Variants in NIN observed in about 807,000 individuals in gnomAD.
NIN encodes glycogen synthase kinase 3 beta-interacting protein.
In NIN, 137 loss-of-function variants were observed where a neutral mutation model predicts 257.6. That is an observed-to-expected ratio of 0.53 (90% CI 0.46 to 0.61). The LOEUF (loss-of-function observed/expected upper bound fraction) is 0.61, where lower values mean the gene tolerates loss of function less well. NIN is among the 20% of genes least tolerant of loss of function. NIN has a pLI of 0.00. For synonymous variants in NIN, 918 were observed against 919.8 expected (o/e 1.00, Z 0.04); for missense variants, 2,439 against 2,501.2 (o/e 0.98, Z 0.53).
intron 28 of NIN, chr14:50,731,086 C>A: frequency 2.5e-6 from 1 of 400,492 alleles, no homozygotes; most frequent in Admixed American, 3.5e-5. Flanking sequence ...CTAATTAGGT[C>A]TATTATATAC....
intron 10 of NIN, 145 bp from the exon 11 acceptor site, chr14:50,771,137 TC>T (rs770686988): frequency 8.5e-7 from 1 of 1,182,620 alleles, no homozygotes; most frequent in Non-Finnish European, 1.2e-6. Flanking sequence ...ACTCCACCCT[TC>T]CCTTCAAAAG....
At chr14:50,731,017 G>T in intron 28 of NIN, 1 of 1,139,326 alleles carries the variant, frequency 8.8e-7, no homozygotes, top group Non-Finnish European at 1.2e-6. Context: ...AAGACAAAAA[G>T]AAGAGAAAAT....
chr14:50,754,577 T>G lies in NIN; in HGVS notation c.4720A>C (p.Asn1574His). 6.2e-7 allele frequency: 1 copy of G among 1,607,462 alleles called. No homozygotes were observed. Among genetic ancestry groups the G allele is most frequent in the East Asian group, 2.2e-5 (1 of 44,706 alleles). The change falls in exon 20 of 31, where the codon AAT (asparagine) becomes CAT (histidine). Residue 1574 changes from asparagine to histidine, a missense_variant. This residue lies in a region of NIN where 2,043 missense variants were observed against 2,050.2 expected (regional missense o/e 1.00). Coordinates refer to ENST00000530997, the MANE Select transcript of NIN (RefSeq NM_020921.4). ...ENAAVQKMVE[N>H]LKKQISELKI... The stretch of plus-strand genomic sequence containing the variant: ...TATTTCCTTACCTGTTTCTTTAAAT[T>G]TTCAACCATCTTCTGAACTGCAGCA...
intron 22 of NIN, 38 bp downstream of exon 22, chr14:50,747,954 T>G: frequency 7.4e-7 from 1 of 1,358,538 alleles, no homozygotes; most frequent in Non-Finnish European, 1.1e-6. Flanking sequence ...CAGGTACATA[T>G]TGTTCTGTGA....
intron 16 of NIN, among the ~76,000 whole-genome samples, chr14:50,760,931 A>C (rs373868361): frequency 2.0e-5 from 3 of 152,212 alleles, no homozygotes; most frequent in East Asian, 3.9e-4. Flanking sequence ...GACCTCCCAA[A>C]ATGTTGAGAT....
At chr14:50,819,204 GATACTA>G (rs1292594110) in intron 3 of NIN, among the ~76,000 whole-genome samples, 2 of 152,164 alleles carry the variant, frequency 1.3e-5, no homozygotes, top group African/African-American at 4.8e-5. Flanking sequence ...GAAGTTGATG[GATACTA>G]ATGCAGCCAA....
chr14:50,753,891 T>TC (rs1281490143), intron 20 of NIN, among the ~76,000 whole-genome samples: 1 of 152,230 alleles, frequency 6.6e-6, no homozygotes, highest in Non-Finnish European at 1.5e-5. Flanking sequence ...CTTTTTTTTT[T>TC]CTGTGACTTG....
At position 50,758,277 on chromosome 14, in the gene NIN, TCTTGGAGTAG is replaced by T; in HGVS notation, c.2743_2752del (p.Leu915ThrfsTer5). On this transcript the variant is annotated frameshift_variant, in exon 18 of 31. Coordinates refer to ENST00000530997, the MANE Select transcript of NIN (RefSeq NM_020921.4). LOFTEE classifies it high-confidence loss of function. ...AGATACATTTCTTAGGTCTTCCAGGTCTTGGAGTAGCTGCTGTCTCTCGACGACCATGCTG... is the reference window on the plus strand; with the variant it reads ...AGATACATTTCTTAGGTCTTCCAGGTCTGCTGTCTCTCGACGACCATGCTG... 4 of 1,614,220 alleles carry T rather than the reference TCTTGGAGTAG, an allele frequency of 2.5e-6. No homozygotes were observed. The highest frequency in any genetic ancestry group is 3.4e-6 in the Non-Finnish European group (4 of 1,180,036).
intron 3 of NIN, among the ~76,000 whole-genome samples, chr14:50,811,855 G>A (rs1301193142): frequency 2.6e-5 from 4 of 152,124 alleles, no homozygotes; most frequent in South Asian, 2.1e-4. Context: ...TTAGCCAGGC[G>A]TGGTGGCGGG....
At chr14:50,773,196 G>C (rs1051870880) in intron 7 of NIN, 101 bp from the exon 8 acceptor site, 5 of 809,308 alleles carry the variant, frequency 6.2e-6, no homozygotes, top group African/African-American at 5.3e-5. Flanking sequence ...TTGGTCCCAG[G>C]ACTCCAGAAA....
At chr14:50,797,199 G>T (rs999059742) in intron 4 of NIN, among the ~76,000 whole-genome samples, 3 of 152,196 alleles carry the variant, frequency 2.0e-5, no homozygotes, top group Non-Finnish European at 4.4e-5. Context: ...TACCTATTGA[G>T]GAAGAAGATG....
intron 4 of NIN, among the ~76,000 whole-genome samples, chr14:50,802,803 A>T (rs530744809): frequency 1.3e-5 from 2 of 152,378 alleles, no homozygotes; most frequent in East Asian, 3.9e-4. Flanking sequence ...GGACAGAACC[A>T]GCATTTCCTA....
chr14:50,794,383 G>T (rs1250445581), intron 4 of NIN: 2 of 391,978 alleles, frequency 5.1e-6, no homozygotes, highest in African/African-American at 2.2e-5. Context: ...CTTACAGGAA[G>T]TGTTTAAGCA....
At chr14:50,729,103 TTCA>T (rs1208077667) in intron 29 of NIN, among the ~76,000 whole-genome samples, 3 of 152,208 alleles carry the variant, frequency 2.0e-5, no homozygotes, top group Admixed American at 6.5e-5. Context: ...ATCCTGATAC[TTCA>T]TCGTTTATTA....
chr14:50,790,923 A>G (rs2043562982), intron 5 of NIN, among the ~76,000 whole-genome samples: 1 of 152,266 alleles, frequency 6.6e-6, no homozygotes. Flanking sequence ...TGCCAGCAAC[A>G]AAGTCAGCTC....
intron 4 of NIN, chr14:50,794,453 T>C (rs754171070): frequency 2.3e-4 from 225 of 994,756 alleles, no homozygotes; most frequent in Non-Finnish European, 2.5e-4. Context: ...CAGAAGACAG[T>C]GTGTCAGCTT....
chr14:50,792,488 G>A (rs545912696), intron 5 of NIN: 2 of 557,712 alleles, frequency 3.6e-6, no homozygotes, highest in East Asian at 3.0e-5. Context: ...CATGACGCAT[G>A]CACAGAAATG....
chr14:50,721,513 AGTTT>A lies in NIN; in HGVS notation c.*1946_*1949del. The stretch of plus-strand genomic sequence containing the variant: ...TCACATAAATACACTACAGGTACTT[AGTTT>A]ATTTTTGTCCTTAGCCTAGGCCAAT... On this transcript the variant is annotated 3_prime_UTR_variant, in exon 31 of 31. Coordinates refer to ENST00000530997, the MANE Select transcript of NIN (RefSeq NM_020921.4). The A allele has an allele frequency of 9.2e-6, 2 of 217,446 alleles. No homozygotes were observed. Among genetic ancestry groups the A allele is most frequent in the Non-Finnish European group, 1.9e-5 (2 of 107,814 alleles). 13.5% of individuals were successfully genotyped at this position (217,446 alleles called of 1,614,324 possible). A position where few individuals can be genotyped will look rare whatever the true frequency, so the allele number is the denominator to read the frequency against.
intron 3 of NIN, among the ~76,000 whole-genome samples, chr14:50,813,181 T>C (rs2044718799): frequency 6.6e-6 from 1 of 152,214 alleles, no homozygotes; most frequent in Non-Finnish European, 1.5e-5. Context: ...GCAACTGCAA[T>C]GTTTTAAGTA....
Sources: gnomAD v4.1 joint callset for allele counts (sites outside exome capture counted in the v4.1 genomes callset) on GRCh38, gnomAD v4.1.1 for gene constraint, gnomAD v4.1.1 regional missense constraint, MANE v1.5 for transcripts, NCBI Gene and HGNC (gene_info 2026-07-23, HGNC 2026-07-21) for gene names.